Variants in AMBRA1 observed in about 807,000 individuals in gnomAD.
AMBRA1 encodes the protein activating molecule in BECN1-regulated autophagy protein 1.
Under a neutral mutation model 125.4 loss-of-function variants are expected in AMBRA1, and 47 were observed. The observed-to-expected ratio is 0.37, with a 90% confidence interval of 0.30 to 0.48. The LOEUF is 0.48. AMBRA1 is among the 20% of genes least tolerant of loss of function. AMBRA1 has a pLI of 0.99. For missense variants in AMBRA1, 1,331 were observed against 1,693.4 expected (o/e 0.79, Z 3.76); for synonymous variants, 626 against 655.5 (o/e 0.95, Z 0.69).
chr11:46,405,661 G>C (rs1463327057), intron 17 of AMBRA1, among the ~76,000 whole-genome samples: 1 of 152,070 alleles, frequency 6.6e-6, no homozygotes, highest in African/African-American at 2.4e-5. Context: ...AGGAGTTCAG[G>C]ACTGCAGTGA....
chr11:46,575,506 TCTTTC>T (rs2043927901), intron 1 of AMBRA1, among the ~76,000 whole-genome samples: 1 of 148,342 alleles, frequency 6.7e-6, no homozygotes, highest in South Asian at 2.1e-4. Context: ...TTTGTTTTTT[TCTTTC>T]CTTTTTTTTT....
At position 46,397,422 on chromosome 11, in the gene AMBRA1, A is replaced by C; in HGVS notation, c.*28T>G. Reference sequence around the variant, plus strand: ...GGTCCGGTTTCTGCTTGGCGGTTCGAGGGGAGGCACCAGTGCAACGTTTGT... The same window carrying C: ...GGTCCGGTTTCTGCTTGGCGGTTCGCGGGGAGGCACCAGTGCAACGTTTGT... On this transcript the variant is annotated 3_prime_UTR_variant, in exon 18 of 18. Coordinates refer to ENST00000683756, the MANE Select transcript of AMBRA1 (RefSeq NM_001387011.1). The C allele has an allele frequency of 6.8e-7, 1 of 1,465,484 alleles. No homozygotes were observed. 90.8% of individuals were successfully genotyped at this position (1,465,484 alleles called of 1,614,324 possible).
intron 14 of AMBRA1, among the ~76,000 whole-genome samples, chr11:46,423,820 G>A (rs1206760126): frequency 1.5e-5 from 2 of 135,364 alleles, no homozygotes; most frequent in Non-Finnish European, 3.1e-5. Context: ...CTAGAGTGCA[G>A]TGGCACGATA....
chr11:46,474,043 A>G (rs1468745396), intron 11 of AMBRA1, among the ~76,000 whole-genome samples: 1 of 152,186 alleles, frequency 6.6e-6, no homozygotes, highest in Non-Finnish European at 1.5e-5. Flanking sequence ...ACATAGTAGC[A>G]CTCAAGAAGT....
intron 11 of AMBRA1, 93 bp downstream of exon 11, chr11:46,493,515 A>C (rs1950534552): frequency 1.0e-6 from 1 of 997,000 alleles, no homozygotes; most frequent in Non-Finnish European, 1.5e-6. Context: ...AGATGCCAAG[A>C]CACCATCACA....
chr11:46,572,681 T>C (rs566230337), intron 1 of AMBRA1, among the ~76,000 whole-genome samples: 1 of 152,236 alleles, frequency 6.6e-6, no homozygotes, highest in South Asian at 2.1e-4. Context: ...TCAGCTAGTA[T>C]TTTGGGGTGT....
intron 11 of AMBRA1, among the ~76,000 whole-genome samples, chr11:46,446,434 A>G (rs1228099769): frequency 6.6e-6 from 1 of 152,236 alleles, no homozygotes; most frequent in African/African-American, 2.4e-5. Flanking sequence ...GAAAGTATTT[A>G]CATACGAGGC....
At chr11:46,428,365 A>G (rs2136689243) in intron 14 of AMBRA1, among the ~76,000 whole-genome samples, 1 of 152,198 alleles carries the variant, frequency 6.6e-6, no homozygotes, top group East Asian at 1.9e-4. Context: ...GCTTTCCCTT[A>G]AAGACCACAA....
intron 1 of AMBRA1, among the ~76,000 whole-genome samples, chr11:46,587,515 T>G (rs2044446382): frequency 6.6e-6 from 1 of 152,188 alleles, no homozygotes; most frequent in East Asian, 1.9e-4. Context: ...CAATCAATCT[T>G]AAATGAAGAC....
rs549119222 is a variant in AMBRA1, at chr11:46,589,779, C to G, written c.-121+4049G>C. Among the ~76,000 whole-genome samples the G allele has an allele frequency of 2.0e-5, 3 of 151,982 alleles. No individual in the cohort carries two copies. The East Asian group carries it at 5.9e-4, about 30-fold the overall frequency. On this transcript the variant is annotated intron_variant, in intron 1 of 17. Coordinates refer to ENST00000683756, the MANE Select transcript of AMBRA1 (RefSeq NM_001387011.1). ...GGACTACAGGCGCCCACCACCATTC[C>G]CCGCTAATTTTTTTTGTATTTTTTA...
intron 1 of AMBRA1, among the ~76,000 whole-genome samples, chr11:46,569,769 GGC>G (rs2043689619): frequency 1.3e-5 from 2 of 150,340 alleles, no homozygotes; most frequent in East Asian, 4.0e-4. Flanking sequence ...CAGCCAACAT[GGC>G]TGGTCATGAG....
chr11:46,450,070 A>AC (rs1187546071), intron 11 of AMBRA1, among the ~76,000 whole-genome samples: 3 of 152,182 alleles, frequency 2.0e-5, no homozygotes, highest in South Asian at 2.1e-4. Flanking sequence ...AAAAAAAAAA[A>AC]AAACAACTAA....
chr11:46,471,226 G>A (rs1384164895), intron 11 of AMBRA1, among the ~76,000 whole-genome samples: 1 of 152,100 alleles, frequency 6.6e-6, no homozygotes, highest in African/African-American at 2.4e-5. Flanking sequence ...CGGATCACTT[G>A]AAATCAGGAG....
chr11:46,411,736 T>C (rs936902508), intron 15 of AMBRA1, among the ~76,000 whole-genome samples: 2 of 152,208 alleles, frequency 1.3e-5, no homozygotes, highest in Non-Finnish European at 2.9e-5. Context: ...CCCAAAGTGC[T>C]AGGATTACAG....
At chr11:46,535,527 C>G (rs1952430298) in intron 7 of AMBRA1, among the ~76,000 whole-genome samples, 1 of 152,120 alleles carries the variant, frequency 6.6e-6, no homozygotes, top group South Asian at 2.1e-4. Context: ...GAAAAAGCAT[C>G]AGTAGGAAAG....
At chr11:46,508,772 C>G (rs1360242299) in intron 8 of AMBRA1, among the ~76,000 whole-genome samples, 1 of 152,168 alleles carries the variant, frequency 6.6e-6, no homozygotes, top group African/African-American at 2.4e-5. Context: ...TGAAAGGGAC[C>G]TGAGCAATTA....
intron 17 of AMBRA1, among the ~76,000 whole-genome samples, chr11:46,405,908 T>C (rs1179362864): frequency 6.6e-6 from 1 of 151,792 alleles, no homozygotes; most frequent in Non-Finnish European, 1.5e-5. Flanking sequence ...ATTTTTTGTA[T>C]ATTTAGTAGA....
rs1414454992 is a variant in AMBRA1 at position 46,493,680 on chromosome 11, A to T, written c.2449T>A (p.Tyr817Asn). 6.2e-7 allele frequency: 1 copy of T among 1,602,466 alleles called. No individual in the cohort carries two copies. The highest frequency in any genetic ancestry group is 1.1e-5 in the South Asian group (1 of 88,432). ...RRFLLPEYLPYAGIFHERGQP... is the reference protein window; with the variant it reads ...RRFLLPEYLPNAGIFHERGQP... The stretch of plus-strand genomic sequence containing the variant: ...CCACGTTCATGAAAAATCCCAGCAT[A>T]AGGCAAGTACTCAGGCAGCAAGAAA... The change falls in exon 11 of 18, where the codon TAT becomes AAT. Residue 817 changes from tyrosine (Y) to asparagine (N), a missense_variant. Tyr to Asn is a moderately radical substitution (Grantham distance 143). Around this residue, in one of 4 missense-constraint regions of AMBRA1, gnomAD observed 354 missense variants for 532.7 expected, o/e 0.66. Coordinates refer to ENST00000683756, the MANE Select transcript of AMBRA1 (RefSeq NM_001387011.1).
At chr11:46,480,393 G>A (rs1419232025) in intron 11 of AMBRA1, among the ~76,000 whole-genome samples, 1 of 151,920 alleles carries the variant, frequency 6.6e-6, no homozygotes, top group Non-Finnish European at 1.5e-5. Context: ...AACTGCAATT[G>A]GACTCGCAGA....
Sources: allele counts gnomAD v4.1 joint callset (sites outside exome capture counted in the v4.1 genomes callset), GRCh38; gene constraint gnomAD v4.1.1; regional missense constraint gnomAD v4.1.1; transcripts MANE v1.5; gene names NCBI Gene and HGNC (gene_info 2026-07-23, HGNC 2026-07-21).